The following SUGP1 variants were observed in gnomAD, a reference collection of about 807,000 sequenced individuals.
SUGP1 encodes SURP and G-patch domain-containing protein 1.
In SUGP1, 34 loss-of-function variants were observed where a neutral mutation model predicts 76.5. The observed-to-expected ratio is 0.44, with a 90% CI of 0.34 to 0.59. The LOEUF (loss-of-function observed/expected upper bound fraction) is 0.59, where lower values mean the gene tolerates loss of function less well. Among genes scored for constraint, SUGP1 ranks in the 20% least tolerant of loss-of-function variants. The probability of loss-of-function intolerance (pLI) is 0.01; values close to 1 mark genes in which losing one functional copy is unlikely to be tolerated. For missense variants in SUGP1, 752 were observed against 851.7 expected (o/e 0.88, Z 1.46); for synonymous variants, 326 against 326.2 (o/e 1.00, Z 0.01).
intron 2 of SUGP1, among the ~76,000 whole-genome samples, chr19:19,311,277 C>T (rs1280664636): frequency 1.3e-5 from 2 of 151,522 alleles, no homozygotes; most frequent in Non-Finnish European, 2.9e-5. Flanking sequence ...ATATTTAGGC[C>T]CCTGGGTTTG....
chr19:19,303,648 G>GCA lies in SUGP1; in HGVS notation c.662+74_662+75dup, dbSNP rs2146616587. On this transcript the variant is annotated intron_variant, in intron 5 of 13. Coordinates refer to ENST00000247001, the MANE Select transcript of SUGP1 (RefSeq NM_172231.4). ...AACAGCATCCGGCCCACACTAGCAA[G>GCA]CACCCAGCCCCACACGTGCGACTGT... The GCA allele has an allele frequency of 2.6e-6, 4 of 1,565,888 alleles. No individual in the cohort carries two copies. The East Asian group carries it at 9.0e-5, about 35-fold the overall frequency.
intron 8 of SUGP1, among the ~76,000 whole-genome samples, chr19:19,290,431 GCCAGGAGTGCGAGA>G (rs1451233163): frequency 6.6e-6 from 1 of 152,118 alleles, no homozygotes; most frequent in Non-Finnish European, 1.5e-5. Context: ...ATCATCTGAG[GCCAGGAGTGCGAGA>G]CCAGCCTGGC....
chr19:19,279,450 T>C (rs1671904561), intron 9 of SUGP1, 60 bp from the exon 10 acceptor site: 1 of 1,500,934 alleles, frequency 6.7e-7, no homozygotes, highest in African/African-American at 1.4e-5. Context: ...GGAGCCCCGC[T>C]CCTGCTCCCC....
At chr19:19,293,962 ATTGT>A (rs1568624663) in intron 8 of SUGP1, among the ~76,000 whole-genome samples, 1 of 152,266 alleles carries the variant, frequency 6.6e-6, no homozygotes, top group Admixed American at 6.5e-5. Flanking sequence ...AGGTGGCAAG[ATTGT>A]TTGAGGCCAG....
At chr19:19,303,633 G>A (rs574306900) in intron 5 of SUGP1, 91 bp downstream of exon 5, 10 of 1,515,522 alleles carry the variant, frequency 6.6e-6, no homozygotes, top group East Asian at 2.3e-5. Flanking sequence ...AACAGCATCC[G>A]GCCCACACTA....
chr19:19,299,534 G>A (rs1251810433), intron 7 of SUGP1, among the ~76,000 whole-genome samples: 4 of 135,420 alleles, frequency 3.0e-5, no homozygotes, highest in Admixed American at 7.6e-5. Context: ...CACCACACCC[G>A]GCTAATTTTT....
In SUGP1 at chr19:19,288,032, A is replaced by G. The variant is rs567073475; in HGVS notation, c.1244-7741T>C. Among the ~76,000 whole-genome samples the G allele has an allele frequency of 2.0e-5, 3 of 152,254 alleles. No individual in the cohort carries two copies. The East Asian group carries it at 5.8e-4, about 29-fold the overall frequency. On this transcript the variant is annotated intron_variant, in intron 8 of 13. Transcript: ENST00000247001. ...ATCCATGTCCGCTTCATAAATAGTCAATATATTTTCTCTTCCTCCCTTCTT... is the reference window on the plus strand; with the variant it reads ...ATCCATGTCCGCTTCATAAATAGTCGATATATTTTCTCTTCCTCCCTTCTT...
intron 7 of SUGP1, 30 bp downstream of exon 7, chr19:19,302,235 C>T (rs374709961): frequency 4.8e-5 from 78 of 1,612,250 alleles, no homozygotes; most frequent in Non-Finnish European, 6.0e-5. Flanking sequence ...GCCAGGGTGA[C>T]GGTCACCTCC....
chr19:19,283,700 C>G (rs1480571895), intron 8 of SUGP1, among the ~76,000 whole-genome samples: 1 of 152,218 alleles, frequency 6.6e-6, no homozygotes, highest in Non-Finnish European at 1.5e-5. Context: ...TTGATCCGCC[C>G]GCCTCGGCCT....
At chr19:19,281,746 T>C (rs2061100615) in intron 8 of SUGP1, among the ~76,000 whole-genome samples, 3 of 152,198 alleles carry the variant, frequency 2.0e-5, no homozygotes, top group African/African-American at 7.2e-5. Flanking sequence ...GCAGGCTGCA[T>C]AGCTGCATAG....
At chr19:19,282,432 CTATT>C (rs2061105641) in intron 8 of SUGP1, among the ~76,000 whole-genome samples, 1 of 146,808 alleles carries the variant, frequency 6.8e-6, no homozygotes, top group Non-Finnish European at 1.5e-5. Flanking sequence ...GACCCCATCT[CTATT>C]TATGTTAAAA....
At chr19:19,309,716 C>G (rs1448573086) in intron 3 of SUGP1, among the ~76,000 whole-genome samples, 2 of 152,106 alleles carry the variant, frequency 1.3e-5, no homozygotes, top group African/African-American at 4.8e-5. Flanking sequence ...CGAGACCATC[C>G]TGGATAACAT....
chr19:19,284,145 A>AT (rs2061121764), intron 8 of SUGP1, among the ~76,000 whole-genome samples: 1 of 152,222 alleles, frequency 6.6e-6, no homozygotes, highest in Admixed American at 6.5e-5. Context: ...CATGGGTCCC[A>AT]TAAAAATTGC....
chr19:19,277,862 G>C lies in SUGP1; in HGVS notation c.1653C>G (p.Asp551Glu), dbSNP rs1019724930. The C allele has an allele frequency of 1.9e-6, 3 of 1,613,804 alleles. No individual in the cohort carries two copies. In the African/African-American group the frequency reaches 4.0e-5, roughly 22 times the overall value. The change falls in exon 12 of 14, where the codon GAC becomes GAG. Residue 551 changes from aspartate to glutamate, a missense_variant. Coordinates refer to ENST00000247001, the MANE Select transcript of SUGP1 (RefSeq NM_172231.4). ...FKALKEGREP[D>E]YSEYKEFKLT... ...GCTTGAACTCCTTGTACTCTGAGTA[G>C]TCAGGCTCACGGCCCTCCTGCAAGG... is the stretch of plus-strand genomic sequence containing the variant.
intron 6 of SUGP1, 143 bp downstream of exon 6, chr19:19,303,205 C>G: frequency 1.5e-6 from 1 of 671,350 alleles, no homozygotes; most frequent in Non-Finnish European, 2.6e-6. Context: ...CCCAGAGTGA[C>G]CCCAGATGCC....
In SUGP1 at chr19:19,297,136, C is replaced by T; in HGVS notation, c.1096G>A (p.Ala366Thr). 6.2e-7 allele frequency: 1 copy of T among 1,613,978 alleles called. No homozygotes were observed. The highest frequency in any genetic ancestry group is 1.1e-5 in the South Asian group (1 of 91,070). ...SSTPAPTIIP[A>T]PAAPGKPASA... Reference sequence around the variant, plus strand: ...GCTGGCTTCCCGGGGGCAGCTGGAGCAGGGATGATAGTGGGCGCAGGCGTG... The same window carrying T: ...GCTGGCTTCCCGGGGGCAGCTGGAGTAGGGATGATAGTGGGCGCAGGCGTG... Residue 366 changes from alanine to threonine, a missense_variant, in exon 8 of 14, where the codon GCT becomes ACT. Around this residue, in one of 2 missense-constraint regions of SUGP1, gnomAD observed 620 missense variants for 617.3 expected, o/e 1.00. Coordinates refer to ENST00000247001, the MANE Select transcript of SUGP1 (RefSeq NM_172231.4).
Position 19,297,365 on chromosome 19 carries a change from G to A in SUGP1, c.888-21C>T, listed in dbSNP as rs567505786. On this transcript the variant is annotated intron_variant, in intron 7 of 13. Transcript: ENST00000247001. ...GAAAGCTGCAAAGGAGAGTTGGGGG[G>A]TGCAGTGTCAGCTGGGCCCGAGGCC... 1.2e-5 allele frequency: 17 copies of A among 1,430,470 alleles called. No individual in the cohort carries two copies. In the East Asian group the frequency reaches 3.7e-4, roughly 31 times the overall value. 88.6% of individuals were successfully genotyped at this position (1,430,470 alleles called of 1,614,324 possible).
chr19:19,313,956 T>C (rs1180551493), intron 2 of SUGP1, among the ~76,000 whole-genome samples: 2 of 151,804 alleles, frequency 1.3e-5, no homozygotes, highest in Non-Finnish European at 2.9e-5. Flanking sequence ...CTGGCCAACA[T>C]GATGAAACCC....
At chr19:19,292,672 AAAAGAAAAAGAAAG>A (rs2061194935) in intron 8 of SUGP1, among the ~76,000 whole-genome samples, 2 of 152,242 alleles carry the variant, frequency 1.3e-5, no homozygotes, top group South Asian at 4.1e-4. Flanking sequence ...ATTTCAAAAA[AAAAGAAAAAGAAAG>A]AAAGAAAAAT....
Sources: gnomAD v4.1 joint callset for allele counts (sites outside exome capture counted in the v4.1 genomes callset) on GRCh38, gnomAD v4.1.1 for gene constraint, gnomAD v4.1.1 regional missense constraint, MANE v1.5 for transcripts, NCBI Gene and HGNC (gene_info 2026-07-23, HGNC 2026-07-21) for gene names.